TSPAN16: variants seen among roughly 807,000 people sequenced by gnomAD.
The protein encoded by TSPAN16 is tetraspanin 16.
TSPAN16 carries 23 observed loss-of-function variants against 25.2 expected under a neutral mutation model. That is an observed-to-expected ratio of 0.91 (90% CI 0.66 to 1.29). The LOEUF (loss-of-function observed/expected upper bound fraction) is 1.29, where lower values mean the gene tolerates loss of function less well. Ranked by LOEUF, TSPAN16 falls within the 50% of genes most tolerant of loss-of-function variation. The probability of loss-of-function intolerance (pLI) is 0.00; values close to 1 mark genes in which losing one functional copy is unlikely to be tolerated. For missense variants in TSPAN16, 272 were observed against 299.9 expected, an observed-to-expected ratio of 0.91 and a Z score of 0.69; for synonymous variants, 123 against 124.4, an observed-to-expected ratio of 0.99 and a Z score of 0.08.
At chr19:11,314,465 CACTA>C (rs967198890) in intron 6 of TSPAN16, among the ~76,000 whole-genome samples, 128 of 152,256 alleles carry the variant, frequency 8.4e-4, no homozygotes, top group African/African-American at 3.0e-3. Flanking sequence ...TGCAAATCGC[CACTA>C]ACTGAGACAA....
exon 7 of TSPAN16, chr19:11,326,855 C>T (rs1195249650): frequency 1.6e-6 from 1 of 635,456 alleles, no homozygotes; most frequent in Admixed American, 2.4e-5. Flanking sequence ...AGCGATCCCC[C>T]CGCCTAGGCC....
intron 4 of TSPAN16, among the ~76,000 whole-genome samples, chr19:11,302,658 TACATATATATATATATATATACACAC>T (rs1199964175): frequency 1.9e-5 from 2 of 103,180 alleles, no homozygotes; most frequent in African/African-American, 5.9e-5. Context: ...TATATACACA[TACATATATATATATATATATACACAC>T]ACACACACAC....
chr19:11,303,581 A>C (rs1026385163), intron 4 of TSPAN16, among the ~76,000 whole-genome samples: 4 of 146,492 alleles, frequency 2.7e-5, no homozygotes, highest in African/African-American at 1.0e-4. Context: ...ATAAATTAAA[A>C]AAAAAAAAAA....
Position 11,301,314 on chromosome 19 carries a change from G to A in TSPAN16, c.450+6G>A. The A allele has an allele frequency of 6.2e-7, 1 of 1,611,704 alleles. No homozygotes were observed. The highest frequency in any genetic ancestry group is 8.5e-7 in the Non-Finnish European group (1 of 1,178,146). ...GGAACTTGGTCATGGAGAAGGTGAG[G>A]CTTACTTAAAAAAAAAAAATTGTGG... On this transcript the variant is annotated splice_donor_region_variant and intron_variant, in intron 4 of 6. Transcript: ENST00000590327.
At chr19:11,321,477 T>G (rs1462210208) in intron 6 of TSPAN16, among the ~76,000 whole-genome samples, 2 of 152,114 alleles carry the variant, frequency 1.3e-5, no homozygotes, top group Non-Finnish European at 2.9e-5. Context: ...GGATTACAAT[T>G]CCAGATGAGA....
At chr19:11,319,492 C>T (rs555210921), downstream of TSPAN16, among the ~76,000 whole-genome samples, 10 of 152,094 alleles carry the variant, frequency 6.6e-5, no homozygotes, top group Admixed American at 2.0e-4. Context: ...CCAGCTACTC[C>T]GGAGGCTGAG....
intron 5 of TSPAN16, among the ~76,000 whole-genome samples, chr19:11,309,995 C>T (rs991179515): frequency 3.3e-5 from 5 of 152,006 alleles, no homozygotes; most frequent in Non-Finnish European, 7.4e-5. Flanking sequence ...ATTTCAGCTG[C>T]TTGGGAGGCT....
At chr19:11,319,534 C>G (rs1255464266), downstream of TSPAN16, among the ~76,000 whole-genome samples, 6 of 151,910 alleles carry the variant, frequency 3.9e-5, no homozygotes, top group African/African-American at 1.4e-4. Flanking sequence ...GGAGGCGGAG[C>G]TTGCAGTGAG....
At chr19:11,308,771 C>A (rs571613090) in intron 5 of TSPAN16, among the ~76,000 whole-genome samples, 1 of 152,006 alleles carries the variant, frequency 6.6e-6, no homozygotes, top group Admixed American at 6.5e-5. Flanking sequence ...CCGCGCCTGG[C>A]CTAATTTTTG....
chr19:11,316,111 G>A, downstream of TSPAN16: 1 of 320,630 alleles, frequency 3.1e-6, no homozygotes, highest in Non-Finnish European at 4.8e-6. Context: ...GTGTGTGTGT[G>A]TGTGTGGTTT....
chr19:11,301,077 G>A, intron 3 of TSPAN16, 124 bp from the exon 4 acceptor site: 1 of 728,950 alleles, frequency 1.4e-6, no homozygotes, highest in Non-Finnish European at 2.4e-6. Flanking sequence ...TGAGCTGAGG[G>A]TAGGAAAAAT....
chr19:11,325,166 C>T (rs172757), intron 6 of TSPAN16: 34,647 of 483,020 alleles, frequency 0.072, 1,771 homozygotes, highest in African/African-American at 0.18. Flanking sequence ...CCCTGGGCCT[C>T]TGCCTGCCAT....
At chr19:11,324,259 G>GA (rs561740577) in intron 6 of TSPAN16, 1,935 of 102,474 alleles carry the variant, frequency 0.019, 31 homozygotes, top group African/African-American at 0.057. Context: ...ATCTCAAAAA[G>GA]AAAAAAAAAA....
intron 5 of TSPAN16, among the ~76,000 whole-genome samples, chr19:11,310,521 A>G (rs1215480289): frequency 2.0e-5 from 3 of 151,754 alleles, no homozygotes; most frequent in African/African-American, 7.3e-5. Flanking sequence ...GTCTCAAAAA[A>G]AAAAAAAAAA....
exon 7 of TSPAN16, chr19:11,326,978 C>A: frequency 2.1e-6 from 1 of 482,562 alleles, no homozygotes; most frequent in Admixed American, 4.0e-5. Flanking sequence ...CATGCAGCCC[C>A]ACCTGCCACA....
intron 6 of TSPAN16, among the ~76,000 whole-genome samples, chr19:11,314,422 G>T (rs1386370422): frequency 6.6e-6 from 1 of 152,114 alleles, no homozygotes; most frequent in African/African-American, 2.4e-5. Flanking sequence ...CATGCTTTCT[G>T]CACATTGACT....
chr19:11,303,919 G>C (rs530187681), intron 4 of TSPAN16, among the ~76,000 whole-genome samples: 2 of 151,656 alleles, frequency 1.3e-5, no homozygotes, highest in South Asian at 4.1e-4. Context: ...AGGTAGCTGG[G>C]ATTACAGGCG....
chr19:11,298,107 A>T (rs559793819), intron 1 of TSPAN16, 35 bp from the exon 2 acceptor site: 1 of 1,608,776 alleles, frequency 6.2e-7, no homozygotes, highest in African/African-American at 1.3e-5. Context: ...CAACTAACAG[A>T]TTACTTTTCT....
At chr19:11,318,980 C>G (rs2080762806), downstream of TSPAN16, among the ~76,000 whole-genome samples, 1 of 152,180 alleles carries the variant, frequency 6.6e-6, no homozygotes, top group Admixed American at 6.5e-5. Context: ...CTTCTGACAC[C>G]AAACATGTGG....
Sources: gnomAD v4.1 joint callset for allele counts (sites outside exome capture counted in the v4.1 genomes callset) on GRCh38, gnomAD v4.1.1 for gene constraint, MANE v1.5 for transcripts, NCBI Gene and HGNC (gene_info 2026-07-23, HGNC 2026-07-21) for gene names.